SNX10: variants seen among roughly 807,000 people sequenced by gnomAD.
SNX10 encodes sorting nexin 10, also known as sorting nexin-10.
In SNX10, 25 loss-of-function variants were observed where a neutral mutation model predicts 28.5. The observed-to-expected ratio is 0.88, with a 90% confidence interval of 0.64 to 1.22. The LOEUF (loss-of-function observed/expected upper bound fraction) is 1.22, where lower values mean the gene tolerates loss of function less well. Ranked by LOEUF, SNX10 falls within the 50% of genes most tolerant of loss-of-function variation. SNX10 has a pLI of 0.00. For synonymous variants in SNX10, 62 were observed against 81.4 expected, an observed-to-expected ratio of 0.76 and a Z score of 1.28; for missense variants, 223 against 242.6, an observed-to-expected ratio of 0.92 and a Z score of 0.54.
chr7:26,313,057 A>G (rs915813829), intron 1 of SNX10, among the ~76,000 whole-genome samples: 2 of 152,226 alleles, frequency 1.3e-5, no homozygotes, highest in Admixed American at 6.5e-5. Flanking sequence ...TCATGCAGGT[A>G]TTTACTGCGT....
chr7:26,331,914 A>G (rs1275943261), intron 1 of SNX10, among the ~76,000 whole-genome samples: 1 of 152,212 alleles, frequency 6.6e-6, no homozygotes, highest in Non-Finnish European at 1.5e-5. Context: ...TTCAGGGTTT[A>G]TCCAAGTTGT....
chr7:26,370,969 T>A (rs1431992981), intron 5 of SNX10, among the ~76,000 whole-genome samples: 1 of 152,192 alleles, frequency 6.6e-6, no homozygotes, highest in Non-Finnish European at 1.5e-5. Flanking sequence ...TTTGATTTGA[T>A]TTCATATTCT....
At chr7:26,330,262 C>T (rs939026888) in intron 1 of SNX10, among the ~76,000 whole-genome samples, 4 of 151,968 alleles carry the variant, frequency 2.6e-5, no homozygotes, top group Non-Finnish European at 4.4e-5. Flanking sequence ...AAGCCACAGG[C>T]ATGAGGAGCA....
At chr7:26,317,356 TGTG>T (rs757774435) in intron 1 of SNX10, among the ~76,000 whole-genome samples, 36 of 152,164 alleles carry the variant, frequency 2.4e-4, no homozygotes, top group Admixed American at 7.2e-4. Context: ...TTGGTCACTT[TGTG>T]GTGATGACCT....
intron 1 of SNX10, among the ~76,000 whole-genome samples, chr7:26,344,495 A>G (rs1281286714): frequency 6.6e-6 from 1 of 152,084 alleles, no homozygotes; most frequent in African/African-American, 2.4e-5. Context: ...TGCTCTTGGT[A>G]CTTCATACAA....
intron 1 of SNX10, among the ~76,000 whole-genome samples, chr7:26,346,162 C>T (rs1788379294): frequency 6.6e-6 from 1 of 152,132 alleles, no homozygotes; most frequent in African/African-American, 2.4e-5. Flanking sequence ...GACTGGCTGG[C>T]CTTGCGGTTT....
At chr7:26,301,565 A>G (rs1786368512) in intron 1 of SNX10, among the ~76,000 whole-genome samples, 2 of 152,156 alleles carry the variant, frequency 1.3e-5, no homozygotes, top group South Asian at 2.1e-4. Flanking sequence ...GTGTCCAAGG[A>G]GTGTGACAAG....
At chr7:26,325,173 G>A (rs1318725755) in intron 1 of SNX10, among the ~76,000 whole-genome samples, 1 of 151,110 alleles carries the variant, frequency 6.6e-6, no homozygotes, top group African/African-American at 2.4e-5. Flanking sequence ...ATCCTAGTAC[G>A]TTCAAAATGT....
At chr7:26,334,941 CG>C (rs2128006247) in intron 1 of SNX10, among the ~76,000 whole-genome samples, 1 of 152,298 alleles carries the variant, frequency 6.6e-6, no homozygotes, top group South Asian at 2.1e-4. Context: ...TCCCCAAAAG[CG>C]TACGGCTGCC....
intron 3 of SNX10, among the ~76,000 whole-genome samples, chr7:26,363,357 T>C (rs1789159366): frequency 6.6e-6 from 1 of 152,224 alleles, no homozygotes; most frequent in Non-Finnish European, 1.5e-5. Context: ...TGAGAGCTAA[T>C]GCACATAATT....
At chr7:26,298,892 TCAC>T (rs761550743) in intron 1 of SNX10, among the ~76,000 whole-genome samples, 4 of 152,194 alleles carry the variant, frequency 2.6e-5, no homozygotes, top group Non-Finnish European at 5.9e-5. Context: ...GCTTGGTGTC[TCAC>T]CAGTCCCATC....
At chr7:26,368,693 G>A (rs916965318) in intron 5 of SNX10, among the ~76,000 whole-genome samples, 1 of 152,136 alleles carries the variant, frequency 6.6e-6, no homozygotes, top group Non-Finnish European at 1.5e-5. Context: ...AACCATGACA[G>A]CTAGTTTTAC....
chr7:26,369,620 G>C (rs1789425124), intron 5 of SNX10, among the ~76,000 whole-genome samples: 1 of 152,146 alleles, frequency 6.6e-6, no homozygotes, highest in African/African-American at 2.4e-5. Flanking sequence ...CTCTAGGCCT[G>C]GGGGAGTGTT....
chr7:26,330,742 AG>A (rs1262412151), intron 1 of SNX10, among the ~76,000 whole-genome samples: 1 of 152,178 alleles, frequency 6.6e-6, no homozygotes, highest in East Asian at 1.9e-4. Context: ...GGGTGAGGCC[AG>A]GCATAGTGGC....
chr7:26,314,096 G>A (rs1445875664), intron 1 of SNX10, among the ~76,000 whole-genome samples: 1 of 152,166 alleles, frequency 6.6e-6, no homozygotes, highest in African/African-American at 2.4e-5. Flanking sequence ...ACAGGTGTGA[G>A]CCGCCACGCC....
At chr7:26,300,378 C>A (rs756452059) in intron 1 of SNX10, among the ~76,000 whole-genome samples, 23 of 151,992 alleles carry the variant, frequency 1.5e-4, no homozygotes, top group Non-Finnish European at 2.8e-4. Context: ...CAGGCATGAG[C>A]CACTACATCT....
At chr7:26,318,696 T>C (rs1194972608) in intron 1 of SNX10, among the ~76,000 whole-genome samples, 1 of 152,192 alleles carries the variant, frequency 6.6e-6, no homozygotes, top group African/African-American at 2.4e-5. Flanking sequence ...GCTTTCGAAC[T>C]TGAGACTCAA....
At position 26,357,290 on chromosome 7, in the gene SNX10, T is replaced by C. The variant is rs1006314937; in HGVS notation, c.25-3685T>C. ...ACCGAGTTGCATTTGAAAAATGAAT[T>C]GGAGTTGGCAAAAAATAGTAGAAGA... On this transcript the variant is annotated intron_variant, in intron 2 of 6. Coordinates refer to ENST00000338523, the MANE Select transcript of SNX10 (RefSeq NM_013322.3). Among the ~76,000 whole-genome samples, 7 of 139,604 alleles carry C rather than the reference T, an allele frequency of 5.0e-5. No homozygotes were observed. In the Admixed American group the frequency reaches 5.3e-4, roughly 11 times the overall value. 91.6% of individuals were successfully genotyped at this position (139,604 alleles called of 152,430 possible).
chr7:26,340,456 G>C (rs187479050), intron 1 of SNX10, among the ~76,000 whole-genome samples: 1 of 152,228 alleles, frequency 6.6e-6, no homozygotes, highest in Non-Finnish European at 1.5e-5. Flanking sequence ...AGATTGCCAA[G>C]TGGTACTTTA....
Sources: gnomAD v4.1 joint callset for allele counts (sites outside exome capture counted in the v4.1 genomes callset) on GRCh38, gnomAD v4.1.1 for gene constraint, MANE v1.5 for transcripts, NCBI Gene and HGNC (gene_info 2026-07-23, HGNC 2026-07-21) for gene names.